The following CSMD1 variants were observed in gnomAD, a reference collection of about 807,000 sequenced individuals.
The protein encoded by CSMD1 is CUB and sushi domain-containing protein 1.
A neutral mutation model predicts 417.5 loss-of-function variants in CSMD1; 213 were observed. The ratio of observed to expected loss-of-function variants is 0.51; its 90% CI spans 0.46 to 0.57. The LOEUF is 0.57. CSMD1 is among the 20% of genes least tolerant of loss of function. The probability of loss-of-function intolerance (pLI) is 0.00; values close to 1 mark genes in which losing one functional copy is unlikely to be tolerated. For missense variants in CSMD1, 6,923 were observed against 4,529.7 expected (o/e 1.53, Z -15.17); for synonymous variants, 2,862 against 1,736.8 (o/e 1.65, Z -16.11).
At chr8:3,252,526 T>C (rs951698694) in intron 26 of CSMD1, among the ~76,000 whole-genome samples, 16 of 152,350 alleles carry the variant, frequency 1.1e-4, no homozygotes, top group Admixed American at 9.8e-4. Flanking sequence ...AAATTCTCTT[T>C]TTTTGTTGTG....
intron 7 of CSMD1, among the ~76,000 whole-genome samples, chr8:3,681,025 G>A (rs1038119250): frequency 6.6e-6 from 1 of 152,126 alleles, no homozygotes; most frequent in African/African-American, 2.4e-5. Flanking sequence ...ATTAGGTATT[G>A]ATGGGACGTA....
At chr8:3,227,966 C>T (rs554901949) in intron 27 of CSMD1, among the ~76,000 whole-genome samples, 1 of 144,178 alleles carries the variant, frequency 6.9e-6, no homozygotes, top group African/African-American at 2.9e-5. Flanking sequence ...TAGGGTTTCA[C>T]CATGTTGCCC....
chr8:3,241,541 C>T (rs1022558708), intron 26 of CSMD1, among the ~76,000 whole-genome samples: 6 of 152,126 alleles, frequency 3.9e-5, no homozygotes, highest in African/African-American at 1.2e-4. Context: ...GCCAGAGTTC[C>T]AGGGGCTCTG....
intron 7 of CSMD1, among the ~76,000 whole-genome samples, chr8:3,649,423 T>C (rs908099593): frequency 6.6e-6 from 1 of 152,200 alleles, no homozygotes; most frequent in Non-Finnish European, 1.5e-5. Context: ...AATAACTGCC[T>C]GAGACTGGGT....
intron 6 of CSMD1, among the ~76,000 whole-genome samples, chr8:3,734,980 G>A (rs1012165368): frequency 6.6e-6 from 1 of 152,184 alleles, no homozygotes; most frequent in Non-Finnish European, 1.5e-5. Context: ...GAGAGCAATA[G>A]CTCCCCTGTG....
At chr8:4,335,473 G>A (rs1251205261) in intron 3 of CSMD1, among the ~76,000 whole-genome samples, 1 of 152,004 alleles carries the variant, frequency 6.6e-6, no homozygotes, top group Non-Finnish European at 1.5e-5. Context: ...AATTTATATG[G>A]ACTCCAGAAT....
chr8:4,923,690 A>G (rs1179021130), intron 1 of CSMD1, among the ~76,000 whole-genome samples: 1 of 152,184 alleles, frequency 6.6e-6, no homozygotes, highest in East Asian at 1.9e-4. Context: ...GAGAGCACTC[A>G]GTGGGACTAT....
At chr8:4,550,429 A>G (rs1461498059) in intron 2 of CSMD1, among the ~76,000 whole-genome samples, 1 of 152,028 alleles carries the variant, frequency 6.6e-6, no homozygotes, top group African/African-American at 2.4e-5. Flanking sequence ...TTTCTTGGCT[A>G]TTAAAAAAAC....
chr8:3,727,768 G>A (rs890797236), intron 6 of CSMD1, among the ~76,000 whole-genome samples: 5 of 152,164 alleles, frequency 3.3e-5, no homozygotes, highest in African/African-American at 9.7e-5. Context: ...CATATAATCG[G>A]TTATAATTTA....
Position 4,340,392 on chromosome 8 carries a change from A to G in CSMD1, c.415+79561T>C, listed in dbSNP as rs116851478. On this transcript the variant is annotated intron_variant, in intron 3 of 69. Coordinates refer to ENST00000635120, the MANE Select transcript of CSMD1 (RefSeq NM_033225.6). ...AAATGTAGAAAATAACACTCTTGAC[A>G]TGAGTTTGCTTTACCATTGGCCAAA... Among the ~76,000 whole-genome samples the G allele has an allele frequency of 1.6e-3, 243 of 152,184 alleles. 6 individuals carry two copies. The East Asian group carries it at 0.043, about 27-fold the overall frequency.
chr8:4,456,905 G>C (rs577359452), intron 2 of CSMD1, among the ~76,000 whole-genome samples: 4 of 150,344 alleles, frequency 2.7e-5, no homozygotes, highest in East Asian at 2.0e-4. Flanking sequence ...TTTGAAGCCA[G>C]TTTCCACCCA....
chr8:3,154,427 A>T (rs1819391837), intron 39 of CSMD1, among the ~76,000 whole-genome samples: 1 of 152,224 alleles, frequency 6.6e-6, no homozygotes, highest in Non-Finnish European at 1.5e-5. Context: ...TAGCATATTT[A>T]GAGTTATTGG....
chr8:3,975,055 T>C (rs1241883433), intron 5 of CSMD1, among the ~76,000 whole-genome samples: 3 of 152,196 alleles, frequency 2.0e-5, no homozygotes, highest in East Asian at 1.9e-4. Context: ...TTTGCTAATA[T>C]ACATCTGTAC....
At chr8:3,722,745 A>C (rs145402385) in intron 6 of CSMD1, among the ~76,000 whole-genome samples, 3 of 152,328 alleles carry the variant, frequency 2.0e-5, no homozygotes, top group African/African-American at 7.2e-5. Context: ...TAGGTTTTCT[A>C]ATATTAGCAT....
chr8:4,886,232 C>G (rs1251417658), intron 1 of CSMD1, among the ~76,000 whole-genome samples: 1 of 152,042 alleles, frequency 6.6e-6, no homozygotes, highest in Non-Finnish European at 1.5e-5. Context: ...CTCAAGCAAA[C>G]CACTGCCTCG....
intron 2 of CSMD1, among the ~76,000 whole-genome samples, chr8:4,523,975 C>T (rs531856683): frequency 1.1e-4 from 16 of 152,068 alleles, no homozygotes; most frequent in Non-Finnish European, 1.8e-4. Context: ...GCAGTTCCTA[C>T]GCTCTCCTCA....
At chr8:4,821,000 T>C (rs139619120) in intron 1 of CSMD1, among the ~76,000 whole-genome samples, 165 of 152,294 alleles carry the variant, frequency 1.1e-3, no homozygotes, top group Admixed American at 2.8e-3. Flanking sequence ...CTGCACGTAG[T>C]CATTAGAATG....
chr8:3,215,817 A>G (rs1216272720), intron 29 of CSMD1, among the ~76,000 whole-genome samples: 1 of 152,068 alleles, frequency 6.6e-6, no homozygotes. Context: ...CAAAAATGCT[A>G]AACTTTGGGA....
chr8:3,795,609 C>CATAGATATAGATATATATCTATCATGT (rs1554440244), intron 5 of CSMD1, among the ~76,000 whole-genome samples: 212 of 20,762 alleles, frequency 0.01, 59 homozygotes, highest in Non-Finnish European at 0.015. Context: ...ATATATCTAT[C>CATAGATATAGATATATATCTATCATGT]ATAGATATAG....
Sources: allele counts gnomAD v4.1 joint callset (sites outside exome capture counted in the v4.1 genomes callset), GRCh38; gene constraint gnomAD v4.1.1; transcripts MANE v1.5; gene names NCBI Gene and HGNC (gene_info 2026-07-23, HGNC 2026-07-21).